RNF111: variants seen among roughly 807,000 people sequenced by gnomAD.
RNF111 encodes ring finger protein 111.
In RNF111, 17 loss-of-function variants were observed where a neutral mutation model predicts 95.1. The observed-to-expected ratio is 0.18, with a 90% CI of 0.12 to 0.27. The LOEUF is 0.27. Ranked by LOEUF, RNF111 falls within the 10% of genes least tolerant of loss-of-function variation. The pLI is 1.00. For synonymous variants in RNF111, 440 were observed against 414.8 expected (o/e 1.06, Z -0.74); for missense variants, 1,189 against 1,210.4 (o/e 0.98, Z 0.26).
At chr15:59,023,523 G>T (rs1176151299) in intron 1 of RNF111, among the ~76,000 whole-genome samples, 12 of 139,354 alleles carry the variant, frequency 8.6e-5, no homozygotes. Context: ...TTTTTGGAGT[G>T]TTATTTTTAT....
intron 6 of RNF111, among the ~76,000 whole-genome samples, chr15:59,069,020 G>A (rs2140074870): frequency 6.8e-6 from 1 of 146,904 alleles, no homozygotes; most frequent in African/African-American, 2.5e-5. Context: ...ATTGCAGTGA[G>A]CTGAGATCAT....
At chr15:59,023,172 C>T (rs1463326568) in intron 1 of RNF111, among the ~76,000 whole-genome samples, 3 of 152,060 alleles carry the variant, frequency 2.0e-5, no homozygotes, top group African/African-American at 4.8e-5. Context: ...CGGTTGAATC[C>T]GGGAGGCGTA....
intron 1 of RNF111, among the ~76,000 whole-genome samples, chr15:59,002,872 T>G (rs1014906433): frequency 6.6e-6 from 1 of 152,214 alleles, no homozygotes; most frequent in Admixed American, 6.5e-5. Context: ...ATACTCTTCC[T>G]CTAGAATTGT....
intron 1 of RNF111, among the ~76,000 whole-genome samples, chr15:59,009,947 T>A (rs2039717688): frequency 6.6e-6 from 1 of 152,124 alleles, no homozygotes; most frequent in Non-Finnish European, 1.5e-5. Flanking sequence ...AAGCAAGACC[T>A]TATCTCAAAA....
At chr15:59,090,805 C>CTCAG (rs1438186411) in intron 11 of RNF111, among the ~76,000 whole-genome samples, 1 of 152,170 alleles carries the variant, frequency 6.6e-6, no homozygotes, top group Non-Finnish European at 1.5e-5. Flanking sequence ...CACCTGTAAT[C>CTCAG]TCAGCAGTTT....
intron 3 of RNF111, among the ~76,000 whole-genome samples, chr15:59,053,134 A>G (rs1479668753): frequency 6.6e-6 from 1 of 152,162 alleles, no homozygotes; most frequent in African/African-American, 2.4e-5. Context: ...TTCAAAACAT[A>G]TGTTTTGATT....
At chr15:59,017,196 C>G (rs1044906544) in intron 1 of RNF111, among the ~76,000 whole-genome samples, 1 of 151,914 alleles carries the variant, frequency 6.6e-6, no homozygotes, top group Non-Finnish European at 1.5e-5. Context: ...AATCCGTTCC[C>G]TGGTGCCAAA....
intron 1 of RNF111, among the ~76,000 whole-genome samples, chr15:59,017,753 C>CT (rs200975904): frequency 0.083 from 10,004 of 120,530 alleles, 1,299 homozygotes; most frequent in African/African-American, 0.26. Context: ...TTGTTGAACT[C>CT]TTTTTTTTTT....
intron 3 of RNF111, among the ~76,000 whole-genome samples, chr15:59,053,670 A>G (rs1369115176): frequency 6.6e-6 from 1 of 152,146 alleles, no homozygotes; most frequent in Non-Finnish European, 1.5e-5. Context: ...CTATCCTCTG[A>G]CCGTGCATAG....
At chr15:58,993,710 T>C (rs2038920582) in intron 1 of RNF111, among the ~76,000 whole-genome samples, 1 of 152,234 alleles carries the variant, frequency 6.6e-6, no homozygotes, top group Non-Finnish European at 1.5e-5. Flanking sequence ...AAGGGCAGGC[T>C]CTTAACACCT....
Position 59,031,479 on chromosome 15 carries a change from T to C in RNF111, c.657T>C (p.Asn219=). The part of the protein sequence containing the change: ...RLPCRKRFVK[N]NSSQRTQKQK... ...CATGCAGAAAGAGATTTGTAAAAAA[T>C]AATTCCTCACAGAGGACACAGAAAC... The change falls in exon 2 of 14, where the codon AAT becomes AAC. Residue 219 remains asparagine (N), a synonymous_variant. Coordinates refer to ENST00000348370, the MANE Select transcript of RNF111 (RefSeq NM_017610.8). 2 of 1,614,154 alleles carry C rather than the reference T, an allele frequency of 1.2e-6. No homozygotes were observed. Among genetic ancestry groups the C allele is most frequent in the Non-Finnish European group, 1.7e-6 (2 of 1,180,028 alleles).
intron 7 of RNF111, among the ~76,000 whole-genome samples, chr15:59,079,893 T>C (rs1477748362): frequency 6.6e-6 from 1 of 152,064 alleles, no homozygotes; most frequent in Non-Finnish European, 1.5e-5. Context: ...AGAGACAGTT[T>C]GGAAAAATGT....
intron 4 of RNF111, among the ~76,000 whole-genome samples, 183 bp downstream of exon 4, chr15:59,056,028 G>A (rs1183267955): frequency 6.6e-6 from 1 of 151,982 alleles, no homozygotes; most frequent in Non-Finnish European, 1.5e-5. Context: ...AAAATTCTTT[G>A]TGGTTATTGT....
intron 1 of RNF111, among the ~76,000 whole-genome samples, chr15:59,004,936 C>G (rs866013600): frequency 5.3e-5 from 8 of 152,146 alleles, no homozygotes; most frequent in African/African-American, 1.9e-4. Context: ...AAGTGAGACC[C>G]AGTGGAGAGC....
intron 1 of RNF111, among the ~76,000 whole-genome samples, chr15:59,000,175 T>A (rs1177955705): frequency 5.3e-5 from 8 of 150,770 alleles, no homozygotes; most frequent in African/African-American, 1.7e-4. Context: ...TTTTTTTTTT[T>A]TTTTTTGAGA....
At chr15:59,063,523 G>C (rs2042528112) in intron 5 of RNF111, among the ~76,000 whole-genome samples, 1 of 152,046 alleles carries the variant, frequency 6.6e-6, no homozygotes, top group South Asian at 2.1e-4. Flanking sequence ...GGCCCTCTAT[G>C]GGTTAATTTT....
At chr15:59,088,409 G>A (rs1685092512) in intron 10 of RNF111, among the ~76,000 whole-genome samples, 1 of 152,214 alleles carries the variant, frequency 6.6e-6, no homozygotes, top group African/African-American at 2.4e-5. Flanking sequence ...GAGTAGTAAT[G>A]ATCTTGGTTA....
intron 7 of RNF111, among the ~76,000 whole-genome samples, chr15:59,078,894 G>T (rs1383159309): frequency 6.6e-6 from 1 of 151,866 alleles, no homozygotes; most frequent in African/African-American, 2.4e-5. Context: ...AGAGGTATAG[G>T]TAAGGCTACT....
chr15:59,001,775 C>A (rs146735876), intron 1 of RNF111, among the ~76,000 whole-genome samples: 2 of 152,102 alleles, frequency 1.3e-5, no homozygotes, highest in African/African-American at 4.8e-5. Context: ...TTTATGAAAT[C>A]ATGTTTAAAG....
Sources: allele counts gnomAD v4.1 joint callset (sites outside exome capture counted in the v4.1 genomes callset), GRCh38; gene constraint gnomAD v4.1.1; transcripts MANE v1.5; gene names NCBI Gene and HGNC (gene_info 2026-07-23, HGNC 2026-07-21).